The following NID1 variants were observed in gnomAD, a reference collection of about 807,000 sequenced individuals.
NID1 encodes nidogen 1, also known as nidogen-1.
A neutral mutation model predicts 130.6 loss-of-function variants in NID1; 76 were observed. The ratio of observed to expected loss-of-function variants is 0.58; its 90% CI spans 0.48 to 0.70. The LOEUF (loss-of-function observed/expected upper bound fraction) is 0.70. NID1 is among the 30% of genes least tolerant of loss of function. The pLI is 0.00. For synonymous variants in NID1, 665 were observed against 675.1 expected (o/e 0.98, Z 0.23); for missense variants, 1,517 against 1,664.8 (o/e 0.91, Z 1.54).
Position 236,032,460 on chromosome 1 carries a change from A to G in NID1, c.1478T>C (p.Ile493Thr). 6.2e-7 allele frequency: 1 copy of G among 1,614,086 alleles called. No homozygotes were observed. The highest frequency in any genetic ancestry group is 1.1e-5 in the South Asian group (1 of 91,054). The change falls in exon 6 of 20, where the codon ATC becomes ACC. Residue 493 changes from isoleucine (I) to threonine (T), a missense_variant. By Grantham distance (89) the Ile-to-Thr change is moderately conservative. This residue lies in a region of NID1 where 1,329 missense variants were observed against 1,429.2 expected (regional missense o/e 0.93). Coordinates refer to ENST00000264187, the MANE Select transcript of NID1 (RefSeq NM_002508.3). The part of the protein sequence containing the change: ...SLLPLAPVGG[I>T]IGWMFAVEQD... ...CTCCACTGCAAACATCCATCCAATG[A>G]TGCCTCCAACTGGGGCCAGTGGAAG...
chr1:236,017,280 C>G lies in NID1; in HGVS notation c.2129-7G>C, dbSNP rs3768081. On this transcript the variant is annotated splice_polypyrimidine_tract_variant and splice_region_variant and intron_variant, in intron 9 of 19. Transcript: ENST00000264187. Reference sequence around the variant, plus strand: ...TCTGAACATTCATCAATATCTGCAGCAAAAATTTTTTTTTACTGCAGGCTT... The same window carrying G: ...TCTGAACATTCATCAATATCTGCAGGAAAAATTTTTTTTTACTGCAGGCTT... 277,295 of 1,611,422 alleles carry G rather than the reference C, an allele frequency of 0.17. 39,989 individuals are homozygous for G. The highest frequency in any genetic ancestry group is 0.67 in the East Asian group (30,232 of 44,842).
In NID1 at chr1:236,042,197, G is replaced by A. The variant is rs760318217; in HGVS notation, c.848C>T (p.Thr283Ile). The change falls in exon 4 of 20, where the codon ACT (threonine) becomes ATT (isoleucine). Residue 283 changes from threonine (T) to isoleucine (I), a missense_variant. Transcript: ENST00000264187. ...ATCATCATACTCTGCCCCATCTTCA[G>A]TTCCGAGGATCACGTCTGCAGGCAC... ...GVVPADVILG[T>I]EDGAEYDDED... 8.1e-6 allele frequency: 13 copies of A among 1,613,736 alleles called. No individual in the cohort carries two copies. Among genetic ancestry groups the A allele is most frequent in the Non-Finnish European group, 1.1e-5 (13 of 1,180,024 alleles).
chr1:236,015,536 A>T (rs1658564404), intron 10 of NID1, among the ~76,000 whole-genome samples: 1 of 150,484 alleles, frequency 6.6e-6, no homozygotes, highest in Admixed American at 6.7e-5. Context: ...AATTCCAGCT[A>T]CTTGGGAGAC....
At chr1:236,064,633 G>A (rs954117242) in intron 1 of NID1, 12 of 578,738 alleles carry the variant, frequency 2.1e-5, no homozygotes, top group African/African-American at 1.8e-4. Flanking sequence ...GGGGCGCGCG[G>A]AGCCACCCAG....
intron 1 of NID1, among the ~76,000 whole-genome samples, chr1:236,063,499 T>TA (rs1558454497): frequency 8.9e-5 from 13 of 146,474 alleles, no homozygotes; most frequent in African/African-American, 3.5e-4. Flanking sequence ...AATAAATAAA[T>TA]AAATAAAGTA....
chr1:235,992,809 G>A (rs1446576612), intron 13 of NID1, among the ~76,000 whole-genome samples: 2 of 152,168 alleles, frequency 1.3e-5, no homozygotes, highest in Non-Finnish European at 2.9e-5. Flanking sequence ...TATTTGATAG[G>A]ATATCAATCA....
rs1255827925 is a variant in NID1, at chr1:236,013,411, C to G, written c.2404G>C (p.Asp802His). Residue 802 changes from aspartate to histidine, a missense_variant and splice_region_variant, in exon 11 of 20, where the codon GAT (aspartate) becomes CAT (histidine). This residue lies in a region of NID1 where 1,329 missense variants were observed against 1,429.2 expected (regional missense o/e 0.93). Coordinates refer to ENST00000264187, the MANE Select transcript of NID1 (RefSeq NM_002508.3). ...GFSGDGQACQ[D>H]VDECQPSRCH... The stretch of plus-strand genomic sequence containing the variant: ...GGGGAAGATCAGAGCAACCACACAC[C>G]TTGGCAGGCTTGGCCATCCCCAGAA... The G allele has an allele frequency of 2.5e-6, 4 of 1,613,668 alleles. No homozygotes were observed.
In NID1 at chr1:235,979,897, T is replaced by C. The variant is rs760546775; in HGVS notation, c.3434A>G (p.Lys1145Arg). The change falls in exon 18 of 20, where the codon AAG becomes AGG. Residue 1145 changes from lysine (K) to arginine (R), a missense_variant. By Grantham distance (26) the Lys-to-Arg change is conservative. Coordinates refer to ENST00000264187, the MANE Select transcript of NID1 (RefSeq NM_002508.3). The surrounding 1 kb of genome is among the most constrained non-coding windows in gnomAD (Gnocchi z 4.6). ...AGGATACTGGAGCCCTTCGAGAGCC[T>C]TGCGTCTGCTGGGCTGACTGGGGTT... ...CLNPSQPSRRKALEGLQYPFA... is the reference protein window; with the variant it reads ...CLNPSQPSRRRALEGLQYPFA... 1 of 1,613,948 alleles carries C rather than the reference T, an allele frequency of 6.2e-7. No homozygotes were observed. The highest frequency in any genetic ancestry group is 2.2e-5 in the East Asian group (1 of 44,872).
At chr1:236,008,893 C>T (rs770900685) in intron 12 of NID1, among the ~76,000 whole-genome samples, 5 of 151,974 alleles carry the variant, frequency 3.3e-5, no homozygotes, top group Admixed American at 6.6e-5. Flanking sequence ...CTTGAACTCC[C>T]CACCTCAGGT....
Position 235,980,426 on chromosome 1 carries a change from G to A in NID1, c.3385+70C>T, listed in dbSNP as rs1657402922. 3.9e-6 allele frequency: 6 copies of A among 1,522,488 alleles called. No individual in the cohort carries two copies. In the Admixed American group the frequency reaches 9.5e-5, roughly 24 times the overall value. 94.3% of individuals were successfully genotyped at this position (1,522,488 alleles called of 1,614,324 possible). ...GGTGGCTGGTTAGATTTGACCCCAG[G>A]GCCCTAGTTTGCCCACCCCTGACTT... On this transcript the variant is annotated intron_variant, in intron 17 of 19. Coordinates refer to ENST00000264187, the MANE Select transcript of NID1 (RefSeq NM_002508.3).
rs1660155887 is a variant in NID1 at position 236,065,069 on chromosome 1, G to C, written c.11C>G (p.Ser4Trp). ...CCACGCAGCCCGGATCCGGCTGCTC[G>C]AGGCCAACATGTTCCCGAACTGCGG... The part of the protein sequence containing the change: MLA[S>W]SSRIRAAWTR... The change falls in exon 1 of 20, where the codon TCG becomes TGG. Residue 4 changes from serine to tryptophan, a missense_variant. Transcript: ENST00000264187. This position sits in a 1 kb window ranked among gnomAD's most constrained non-coding sequence, Gnocchi z 4.1. The C allele has an allele frequency of 6.4e-7, 1 of 1,550,402 alleles. No homozygotes were observed. The highest frequency in any genetic ancestry group is 8.7e-7 in the Non-Finnish European group (1 of 1,146,942).
At chr1:236,063,532 A>C (rs1163723534) in intron 1 of NID1, among the ~76,000 whole-genome samples, 1 of 152,166 alleles carries the variant, frequency 6.6e-6, no homozygotes, top group Non-Finnish European at 1.5e-5. Flanking sequence ...TATATAGTAC[A>C]TAAGAGCATA....
chr1:236,041,842 C>T (rs1312827975), intron 4 of NID1, 68 bp downstream of exon 4: 10 of 1,534,342 alleles, frequency 6.5e-6, no homozygotes, highest in Non-Finnish European at 8.8e-6. Flanking sequence ...GACATCTCCC[C>T]AGCAGTACGC....
intron 15 of NID1, among the ~76,000 whole-genome samples, chr1:235,983,776 A>C (rs1236334950): frequency 6.6e-6 from 1 of 152,236 alleles, no homozygotes; most frequent in East Asian, 1.9e-4. Context: ...CCGAGGAAGA[A>C]GTATTCCTTA....
chr1:236,037,085 C>T (rs1473081536), intron 5 of NID1, among the ~76,000 whole-genome samples: 3 of 152,148 alleles, frequency 2.0e-5, no homozygotes, highest in African/African-American at 7.2e-5. Flanking sequence ...CCCAGATTTG[C>T]ACAGAAAGGA....
chr1:236,004,687 G>A (rs1290892285), intron 12 of NID1, among the ~76,000 whole-genome samples: 15 of 150,964 alleles, frequency 9.9e-5, no homozygotes, highest in South Asian at 6.3e-4. Flanking sequence ...GTGTGAACCC[G>A]GGAGGCGGAG....
At chr1:236,010,479 G>T (rs1388122627) in intron 12 of NID1, among the ~76,000 whole-genome samples, 1 of 151,796 alleles carries the variant, frequency 6.6e-6, no homozygotes, top group African/African-American at 2.4e-5. Context: ...TCTATTTTTT[G>T]TAGAAACAGG....
At chr1:236,004,008 G>A (rs184314763) in intron 12 of NID1, among the ~76,000 whole-genome samples, 8 of 127,110 alleles carry the variant, frequency 6.3e-5, no homozygotes, top group East Asian at 2.4e-4. Flanking sequence ...ACTCCAGCCT[G>A]AATGACAGAG....
intron 6 of NID1, among the ~76,000 whole-genome samples, chr1:236,031,243 C>T (rs562470316): frequency 4.6e-5 from 7 of 152,084 alleles, no homozygotes; most frequent in African/African-American, 4.8e-5. Context: ...CTCAGCCTCC[C>T]GAGTAGCTGG....
Sources: gnomAD v4.1 joint callset for allele counts (sites outside exome capture counted in the v4.1 genomes callset) on GRCh38, gnomAD v4.1.1 for gene constraint, gnomAD v4.1.1 regional missense constraint, Gnocchi (gnomAD v3.1) non-coding constraint, MANE v1.5 for transcripts, NCBI Gene and HGNC (gene_info 2026-07-23, HGNC 2026-07-21) for gene names.